Variants in DNAH10 observed in about 807,000 individuals in gnomAD.
The protein encoded by DNAH10 is dynein axonemal heavy chain 10.
In DNAH10, 348 loss-of-function variants were observed where a neutral mutation model predicts 506.6. The ratio of observed to expected loss-of-function variants is 0.69; its 90% CI spans 0.63 to 0.75. The LOEUF is 0.75. DNAH10 is among the 30% of genes least tolerant of loss of function. The pLI is 0.00. For synonymous variants in DNAH10, 2,059 were observed against 2,198.6 expected (o/e 0.94, Z 1.78); for missense variants, 5,179 against 5,787.1 (o/e 0.89, Z 3.41).
intron 21 of DNAH10, among the ~76,000 whole-genome samples, chr12:123,815,264 T>C (rs751595677): frequency 6.6e-6 from 1 of 152,210 alleles, no homozygotes; most frequent in Non-Finnish European, 1.5e-5. Flanking sequence ...GCCAGATTTA[T>C]TCCTAGGTAC....
chr12:123,909,632 G>C lies in DNAH10; in HGVS notation c.9997+190G>C, dbSNP rs1313237438. On this transcript the variant is annotated intron_variant, in intron 58 of 78. Transcript: ENST00000673944. This position sits in a 1 kb window ranked among gnomAD's most constrained non-coding sequence, Gnocchi z 5.4. The stretch of plus-strand genomic sequence containing the variant: ...GCAGCCCCATGACGTGACCCAGGGA[G>C]AGTGGCTGGGGATGCGCGGCGGCAG... Among the ~76,000 whole-genome samples, 1 of 152,232 alleles carries C rather than the reference G, an allele frequency of 6.6e-6. No individual in the cohort carries two copies. The highest frequency in any genetic ancestry group is 1.5e-5 in the Non-Finnish European group (1 of 68,046).
At chr12:123,764,055 A>C (rs1956929326) in intron 1 of DNAH10, among the ~76,000 whole-genome samples, 1 of 151,192 alleles carries the variant, frequency 6.6e-6, no homozygotes, top group Non-Finnish European at 1.5e-5. Flanking sequence ...TAGTAGAGAC[A>C]GGGTTTCACC....
rs1950648711 is a variant in DNAH10, at chr12:123,838,525, C to T, written c.4972C>T (p.Leu1658=). 6.2e-7 allele frequency: 1 copy of T among 1,614,010 alleles called. No individual in the cohort carries two copies. Among genetic ancestry groups the T allele is most frequent in the East Asian group, 2.2e-5 (1 of 44,890 alleles). The change falls in exon 29 of 79, where the codon CTA becomes TTA. Residue 1658 remains leucine (L), a synonymous_variant. Transcript: ENST00000673944. The part of the protein sequence containing the change: ...CCEAPNRLSD[L]QNVSEGLEKC... ...TGAAGCCCCAAACCGCCTCAGTGAC[C>T]TACAGAACGTCAGCGAGGGCCTGGA...
chr12:123,889,210 A>C (rs1360624199), intron 52 of DNAH10, among the ~76,000 whole-genome samples: 2 of 152,056 alleles, frequency 1.3e-5, no homozygotes, highest in Non-Finnish European at 2.9e-5. Flanking sequence ...TTGCAACATC[A>C]CTGCTCTCCC....
intron 39 of DNAH10, among the ~76,000 whole-genome samples, chr12:123,864,337 G>T (rs533076176): frequency 6.6e-6 from 1 of 151,764 alleles, no homozygotes; most frequent in East Asian, 1.9e-4. Context: ...AGTAGAGACG[G>T]GGTTTCACTA....
intron 5 of DNAH10, among the ~76,000 whole-genome samples, chr12:123,778,677 CAGAA>C (rs750756110): frequency 1.9e-4 from 28 of 151,156 alleles, no homozygotes; most frequent in Non-Finnish European, 3.7e-4. Flanking sequence ...GCCTGGGTGA[CAGAA>C]AGAGACTCCA....
chr12:123,838,822 T>C, intron 29 of DNAH10, 133 bp downstream of exon 29: 1 of 824,560 alleles, frequency 1.2e-6, no homozygotes, highest in Non-Finnish European at 1.9e-6. Context: ...GTTTTTTGGT[T>C]TGTTTTTTGA....
intron 25 of DNAH10, among the ~76,000 whole-genome samples, chr12:123,828,470 T>A (rs551189874): frequency 2.4e-4 from 36 of 152,194 alleles, no homozygotes; most frequent in Non-Finnish European, 4.7e-4. Context: ...TGCTTCTGTG[T>A]CTCTCTGTTG....
chr12:123,804,770 GC>G (rs1958599658), intron 17 of DNAH10, 62 bp from the exon 18 acceptor site: 1 of 1,519,716 alleles, frequency 6.6e-7, no homozygotes, highest in African/African-American at 1.4e-5. Flanking sequence ...TGTTTGGATT[GC>G]CTTTTGAGTG....
chr12:123,810,906 T>C (rs1958908906), intron 19 of DNAH10, among the ~76,000 whole-genome samples: 1 of 152,234 alleles, frequency 6.6e-6, no homozygotes, highest in Non-Finnish European at 1.5e-5. Flanking sequence ...CAATATTCCA[T>C]GCCAACTTAA....
chr12:123,765,951 C>G (rs963497133), intron 1 of DNAH10, among the ~76,000 whole-genome samples: 1 of 151,946 alleles, frequency 6.6e-6, no homozygotes, highest in African/African-American at 2.4e-5. Context: ...ATCTGTGTGT[C>G]TGTCTACCTA....
intron 27 of DNAH10, among the ~76,000 whole-genome samples, chr12:123,833,743 G>C (rs1430189585): frequency 6.6e-6 from 1 of 151,994 alleles, no homozygotes; most frequent in Non-Finnish European, 1.5e-5. Flanking sequence ...ACTCTCTCTT[G>C]TGGTGGTGGA....
intron 18 of DNAH10, 120 bp from the exon 19 acceptor site, chr12:123,808,677 C>A: frequency 1.0e-6 from 1 of 1,004,478 alleles, no homozygotes; most frequent in Non-Finnish European, 1.5e-6. Context: ...CTAGGACAGC[C>A]TCACAGTGTG....
chr12:123,861,196 A>G (rs139367140), intron 39 of DNAH10, 26 bp downstream of exon 39: 1 of 1,610,292 alleles, frequency 6.2e-7, no homozygotes, highest in Admixed American at 1.7e-5. Context: ...GGTAGGAAAG[A>G]GCCTGGGTTA....
chr12:123,844,313 C>T (rs1201469757), intron 30 of DNAH10, among the ~76,000 whole-genome samples: 3 of 152,108 alleles, frequency 2.0e-5, no homozygotes, highest in Admixed American at 1.3e-4. Context: ...TGAGACGAGA[C>T]GTGGGTGGGG....
At chr12:123,780,053 A>G (rs1480639238) in intron 5 of DNAH10, among the ~76,000 whole-genome samples, 1 of 152,054 alleles carries the variant, frequency 6.6e-6, no homozygotes, top group Non-Finnish European at 1.5e-5. Context: ...CTATGTCCTC[A>G]AGAACTTAAT....
At chr12:123,912,327 G>T (rs1293594914) in intron 59 of DNAH10, among the ~76,000 whole-genome samples, 1 of 31,850 alleles carries the variant, frequency 3.1e-5, no homozygotes, top group Non-Finnish European at 6.4e-5. Flanking sequence ...TCTGTCCTGG[G>T]TGGGTCTGTC....
At chr12:123,906,802 A>G (rs973126230) in intron 57 of DNAH10, among the ~76,000 whole-genome samples, 1 of 152,196 alleles carries the variant, frequency 6.6e-6, no homozygotes, top group African/African-American at 2.4e-5. Flanking sequence ...CATCTTGACA[A>G]TTTTATAATC....
At chr12:123,854,894 G>A (rs1024105138) in intron 36 of DNAH10, among the ~76,000 whole-genome samples, 1 of 152,202 alleles carries the variant, frequency 6.6e-6, no homozygotes, top group Non-Finnish European at 1.5e-5. Context: ...GACAGTGGTG[G>A]AAACTGGAGG....
Sources: gnomAD v4.1 joint callset for allele counts (sites outside exome capture counted in the v4.1 genomes callset) on GRCh38, gnomAD v4.1.1 for gene constraint, Gnocchi (gnomAD v3.1) non-coding constraint, MANE v1.5 for transcripts, NCBI Gene and HGNC (gene_info 2026-07-23, HGNC 2026-07-21) for gene names.